EPB41L3: variants seen among roughly 807,000 people sequenced by gnomAD.
The protein encoded by EPB41L3 is band 4.1-like protein 3.
In EPB41L3, 57 loss-of-function variants were observed where a neutral mutation model predicts 127.1. The observed-to-expected ratio is 0.45, with a 90% CI of 0.36 to 0.56. EPB41L3 has a LOEUF of 0.56. Among genes scored for constraint, EPB41L3 ranks in the 20% least tolerant of loss-of-function variants. The pLI, the probability that EPB41L3 is intolerant of heterozygous loss-of-function variation, is 0.00. For missense variants in EPB41L3, 1,273 were observed against 1,372.2 expected (o/e 0.93, Z 1.14); for synonymous variants, 572 against 549.5 (o/e 1.04, Z -0.57).
chr18:5,400,979 A>G (rs1166273998), intron 16 of EPB41L3: 1 of 1,532,058 alleles, frequency 6.5e-7, no homozygotes, highest in East Asian at 2.4e-5. Flanking sequence ...CTGAGACTCA[A>G]GGAATGGAGC....
chr18:5,545,909 GTGTGTGTGTA>G (rs2093873635), upstream of EPB41L3, among the ~76,000 whole-genome samples: 5 of 143,632 alleles, frequency 3.5e-5, no homozygotes, highest in South Asian at 1.1e-3. Flanking sequence ...GTGTGTGTGT[GTGTGTGTGTA>G]GCACATAAGG....
intron 5 of EPB41L3, among the ~76,000 whole-genome samples, chr18:5,439,830 C>T (rs944192911): frequency 6.6e-6 from 1 of 152,146 alleles, no homozygotes; most frequent in Non-Finnish European, 1.5e-5. Context: ...ATCTGGCTTT[C>T]CCCCAAGCAA....
At chr18:5,426,726 G>T (rs928339335) in intron 9 of EPB41L3, among the ~76,000 whole-genome samples, 1 of 152,078 alleles carries the variant, frequency 6.6e-6, no homozygotes, top group Non-Finnish European at 1.5e-5. Flanking sequence ...ATATGAGTCC[G>T]TTTTTCTGCT....
intron 1 of EPB41L3, among the ~76,000 whole-genome samples, chr18:5,622,679 A>C (rs1235785089): frequency 6.6e-6 from 1 of 152,190 alleles, no homozygotes; most frequent in Non-Finnish European, 1.5e-5. Context: ...GCAGAATGCA[A>C]ATATGTTTTA....
intron 2 of EPB41L3, among the ~76,000 whole-genome samples, chr18:5,481,214 C>T (rs1442220480): frequency 6.6e-6 from 1 of 152,120 alleles, no homozygotes; most frequent in Non-Finnish European, 1.5e-5. Context: ...AAAGTGGTGG[C>T]ACAGAAGCAA....
At chr18:5,413,168 CAG>C (rs1324107303) in intron 13 of EPB41L3, among the ~76,000 whole-genome samples, 1 of 152,090 alleles carries the variant, frequency 6.6e-6, no homozygotes, top group Non-Finnish European at 1.5e-5. Context: ...TGTTATAAAT[CAG>C]TTAATTTTTC....
chr18:5,395,540 A>G, intron 20 of EPB41L3, 69 bp downstream of exon 20: 1 of 1,416,922 alleles, frequency 7.1e-7, no homozygotes, highest in South Asian at 1.2e-5. Flanking sequence ...ACCTGTGAGG[A>G]GTTCTGAACA....
chr18:5,611,346 A>G (rs995001455), intron 3 of EPB41L3, among the ~76,000 whole-genome samples: 9 of 152,228 alleles, frequency 5.9e-5, no homozygotes, highest in Non-Finnish European at 1.2e-4. Context: ...CATGCCACAG[A>G]ATGGATGAAG....
intron 13 of EPB41L3, among the ~76,000 whole-genome samples, chr18:5,414,804 T>C (rs2076597667): frequency 6.6e-6 from 1 of 152,154 alleles, no homozygotes; most frequent in Admixed American, 6.5e-5. Flanking sequence ...CACTGGGCTG[T>C]GTGGCAGTGG....
At chr18:5,400,234 T>C (rs780296146) in intron 16 of EPB41L3, 2 of 178,100 alleles carry the variant, frequency 1.1e-5, no homozygotes, top group South Asian at 1.0e-4. Context: ...AAAGGAAAGC[T>C]AAGAAACTTT....
chr18:5,484,640 C>A (rs1203968771), intron 2 of EPB41L3, among the ~76,000 whole-genome samples: 1 of 151,356 alleles, frequency 6.6e-6, no homozygotes, highest in East Asian at 1.9e-4. Flanking sequence ...TAAAATCAGA[C>A]ATGAAAAAGG....
intron 3 of EPB41L3, among the ~76,000 whole-genome samples, chr18:5,601,765 A>T (rs1375649598): frequency 6.6e-6 from 1 of 152,198 alleles, no homozygotes; most frequent in South Asian, 2.1e-4. Flanking sequence ...ATTATGAAAA[A>T]CAAATTTTCT....
In EPB41L3 at chr18:5,393,482, C is replaced by CA. The variant is rs2072720703; in HGVS notation, c.*7-5dup. On this transcript the variant is annotated splice_polypyrimidine_tract_variant and splice_region_variant and intron_variant, in intron 22 of 22. Coordinates refer to ENST00000341928, the MANE Select transcript of EPB41L3 (RefSeq NM_012307.5). ...TCATGTGCAAGCTAAGTTATTCCTG[C>CA]AAAAAAGACATTTGATTAGTTACTC... The CA allele has an allele frequency of 1.4e-6, 1 of 700,266 alleles. No individual in the cohort carries two copies. 43.4% of individuals were successfully genotyped at this position (700,266 alleles called of 1,614,324 possible). A position where few individuals can be genotyped will look rare whatever the true frequency, so the allele number is the denominator to read the frequency against.
rs532933692 is a variant in EPB41L3, at chr18:5,593,091, C to T, written c.-306+19249G>A. Among the ~76,000 whole-genome samples the T allele has an allele frequency of 2.6e-5, 4 of 152,230 alleles. No homozygotes were observed. In the East Asian group the frequency reaches 7.7e-4, roughly 29 times the overall value. The stretch of plus-strand genomic sequence containing the variant: ...AGATACTAGCTTAATCAATGGGGCC[C>T]AGTTGATTGTAATGATCAGAACCAC... On this transcript the variant is annotated intron_variant, in intron 3 of 21. Transcript: ENST00000545076.
rs763472908 is a variant in EPB41L3 at position 5,428,324 on chromosome 18, G to A, written c.1054C>T (p.Arg352Trp). 1.7e-5 allele frequency: 28 copies of A among 1,613,982 alleles called. No individual in the cohort carries two copies. The highest frequency in any genetic ancestry group is 4.0e-5 in the African/African-American group (3 of 74,870). Residue 352 changes from arginine to tryptophan, a missense_variant, in exon 9 of 23, where the codon CGG becomes TGG. Physicochemically the swap from Arg to Trp is moderately radical, Grantham distance 101. Transcript: ENST00000341928. ...YKRNNFYIKI[R>W]PGEFEQFEST... ...GTGGGTATACTTACCTCTCCCGGCC[G>A]GATCTTAATGTAAAAGTTGTTCCGT...
chr18:5,620,362 G>A (rs893716381), intron 1 of EPB41L3, among the ~76,000 whole-genome samples: 2 of 152,108 alleles, frequency 1.3e-5, no homozygotes, highest in Non-Finnish European at 2.9e-5. Context: ...AAAAATACAC[G>A]TGGAGTAACC....
chr18:5,407,415 A>G (rs531885451), intron 15 of EPB41L3: 37 of 478,062 alleles, frequency 7.7e-5, no homozygotes, highest in African/African-American at 6.9e-4. Context: ...ACAGACATGC[A>G]CTGGTATATA....
intron 1 of EPB41L3, among the ~76,000 whole-genome samples, chr18:5,495,727 G>A (rs2091105337): frequency 6.6e-6 from 1 of 152,222 alleles, no homozygotes; most frequent in African/African-American, 2.4e-5. Context: ...AGCGCAGGGA[G>A]GCACTGTGAC....
intron 3 of EPB41L3, among the ~76,000 whole-genome samples, chr18:5,450,401 T>C (rs1281916611): frequency 1.3e-5 from 2 of 149,604 alleles, no homozygotes; most frequent in Non-Finnish European, 3.0e-5. Flanking sequence ...GCCACACTAA[T>C]GCAAAATGTT....
Sources: allele counts gnomAD v4.1 joint callset (sites outside exome capture counted in the v4.1 genomes callset), GRCh38; gene constraint gnomAD v4.1.1; transcripts MANE v1.5; gene names NCBI Gene and HGNC (gene_info 2026-07-23, HGNC 2026-07-21).